SEC24B: variants seen among roughly 807,000 people sequenced by gnomAD.
SEC24B encodes the protein SEC24 homolog B, COPII component.
SEC24B carries 45 observed loss-of-function variants against 142.8 expected under a neutral mutation model. The ratio of observed to expected loss-of-function variants is 0.32; its 90% CI spans 0.25 to 0.40. SEC24B has a LOEUF of 0.40. Ranked by LOEUF, SEC24B falls within the 10% of genes least tolerant of loss-of-function variation. SEC24B has a pLI of 1.00. For synonymous variants in SEC24B, 574 were observed against 568.2 expected (o/e 1.01, Z -0.15); for missense variants, 1,409 against 1,526.8 (o/e 0.92, Z 1.29).
At chr4:109,457,648 C>T (rs1029945689) in intron 1 of SEC24B, among the ~76,000 whole-genome samples, 1 of 152,010 alleles carries the variant, frequency 6.6e-6, no homozygotes, top group African/African-American at 2.4e-5. Context: ...ACATTTAAAC[C>T]ATAGCAGTCA....
At chr4:109,456,334 G>GT (rs70949081) in intron 1 of SEC24B, among the ~76,000 whole-genome samples, 19,003 of 94,320 alleles carry the variant, frequency 0.2, 1,837 homozygotes, top group East Asian at 0.31. Context: ...GGTTTTTTTT[G>GT]TTTTTTTTTT....
chr4:109,539,788 C>T lies in SEC24B; in HGVS notation c.*113C>T, dbSNP rs1725997106. ...GCATTTGTTAATACAAGATGCAACG[C>T]ACAGCACTCTGTCTGAGGCTTTGGT... is the stretch of plus-strand genomic sequence containing the variant. On this transcript the variant is annotated 3_prime_UTR_variant, in exon 24 of 24. Transcript: ENST00000265175. 8.9e-6 allele frequency: 6 copies of T among 671,590 alleles called. No individual in the cohort carries two copies. In the South Asian group the frequency reaches 9.2e-5, roughly 10 times the overall value. The allele number at this position is 671,590 out of a possible 1,614,324, so 41.6% of individuals were successfully genotyped here.
intron 1 of SEC24B, among the ~76,000 whole-genome samples, chr4:109,444,228 A>G (rs1194019592): frequency 6.6e-6 from 1 of 151,926 alleles, no homozygotes; most frequent in East Asian, 1.9e-4. Flanking sequence ...AAAAAAAAAA[A>G]AAAAGAATAG....
chr4:109,520,586 A>C, intron 12 of SEC24B, 102 bp downstream of exon 12: 2 of 758,178 alleles, frequency 2.6e-6, no homozygotes, highest in Non-Finnish European at 2.3e-6. Flanking sequence ...GGATAATGTC[A>C]TGCACTTTAG....
At position 109,529,830 on chromosome 4, in the gene SEC24B, C is replaced by T. The variant is rs149096392; in HGVS notation, c.3077-459C>T. Among the ~76,000 whole-genome samples the T allele has an allele frequency of 2.0e-3, 304 of 152,292 alleles. 3 individuals are homozygous for T. The highest frequency in any genetic ancestry group is 6.7e-3 in the African/African-American group (278 of 41,550). ...GTTACTGCAGCTTCGACCTCCCAGG[C>T]TCAAGCAGTCCTCCTACTTCAGCCT... is the stretch of plus-strand genomic sequence containing the variant. On this transcript the variant is annotated intron_variant, in intron 18 of 23. Coordinates refer to ENST00000265175, the MANE Select transcript of SEC24B (RefSeq NM_006323.5).
chr4:109,512,225 C>T (rs1274971984), intron 9 of SEC24B, 142 bp downstream of exon 9: 1 of 726,316 alleles, frequency 1.4e-6, no homozygotes, highest in Non-Finnish European at 2.2e-6. Flanking sequence ...TAGGCTAAGG[C>T]TAGGACTAGG....
intron 3 of SEC24B, among the ~76,000 whole-genome samples, chr4:109,475,457 C>G (rs373293200): frequency 3.3e-5 from 5 of 152,106 alleles, no homozygotes; most frequent in Admixed American, 3.3e-4. Flanking sequence ...TCAAAGACAC[C>G]GTTGCTTAGT....
intron 22 of SEC24B, among the ~76,000 whole-genome samples, chr4:109,535,644 C>T (rs1036624499): frequency 1.5e-4 from 23 of 151,802 alleles, no homozygotes; most frequent in Admixed American, 4.6e-4. Context: ...GTCAGGAGAT[C>T]GAGACCATCC....
intron 18 of SEC24B, 124 bp from the exon 19 acceptor site, chr4:109,530,165 G>A (rs1247025068): frequency 2.9e-6 from 2 of 694,458 alleles, no homozygotes; most frequent in Non-Finnish European, 4.6e-6. Flanking sequence ...CTGATGAAAT[G>A]CATTTTTCCA....
Position 109,511,980 on chromosome 4 carries a change from T to C in SEC24B, c.1800T>C (p.Asn600=). ...AGCAATTACCAGTGATAACATCAAA[T>C]ACCATTGTGAGGTGCCGATCCTGTC... The part of the protein sequence containing the change: ...DLTQLPVITS[N]TIVRCRSCRT... Residue 600 remains asparagine (N), a synonymous_variant, in exon 9 of 24, where the codon AAT becomes AAC. Transcript: ENST00000265175. The C allele has an allele frequency of 6.2e-7, 1 of 1,613,620 alleles. No homozygotes were observed. Among genetic ancestry groups the C allele is most frequent in the Middle Eastern group, 1.7e-4 (1 of 6,058 alleles).
At chr4:109,462,505 T>A (rs1578803945) in intron 1 of SEC24B, among the ~76,000 whole-genome samples, 1 of 152,164 alleles carries the variant, frequency 6.6e-6, no homozygotes, top group African/African-American at 2.4e-5. Context: ...GGCCAGAGAG[T>A]TAAGTTCCTC....
At chr4:109,439,305 T>C (rs1578742980) in intron 1 of SEC24B, among the ~76,000 whole-genome samples, 1 of 152,056 alleles carries the variant, frequency 6.6e-6, no homozygotes, top group East Asian at 1.9e-4. Context: ...TAAAATGATA[T>C]AAATCTCCCT....
intron 6 of SEC24B, 103 bp from the exon 7 acceptor site, chr4:109,506,225 T>G (rs1282901470): frequency 1.4e-5 from 11 of 793,354 alleles, no homozygotes; most frequent in African/African-American, 3.6e-5. Flanking sequence ...ATTTAAATTT[T>G]CTTACCTTTT....
intron 1 of SEC24B, among the ~76,000 whole-genome samples, chr4:109,454,779 G>T (rs939644998): frequency 6.6e-6 from 1 of 152,104 alleles, no homozygotes; most frequent in Non-Finnish European, 1.5e-5. Flanking sequence ...CTTTCCCTCT[G>T]TCCTATGTGT....
At chr4:109,476,452 T>G (rs1433289250) in intron 3 of SEC24B, among the ~76,000 whole-genome samples, 1 of 152,216 alleles carries the variant, frequency 6.6e-6, no homozygotes, top group Non-Finnish European at 1.5e-5. Flanking sequence ...TGAATATGAT[T>G]CATTGTTAGA....
intron 7 of SEC24B, among the ~76,000 whole-genome samples, chr4:109,507,242 A>G (rs918983592): frequency 2.6e-5 from 4 of 151,024 alleles, no homozygotes; most frequent in East Asian, 1.9e-4. Flanking sequence ...TCCTCCTCAT[A>G]AAGTAAACAC....
At chr4:109,434,484 T>C (rs1016833435) in intron 1 of SEC24B, among the ~76,000 whole-genome samples, 4 of 152,200 alleles carry the variant, frequency 2.6e-5, no homozygotes, top group African/African-American at 7.2e-5. Flanking sequence ...GATTGTGCCC[T>C]TCCTGTCTCA....
rs531092644 is a variant in SEC24B, at chr4:109,489,289, GTTC to G, written c.1166-2033_1166-2031del. On this transcript the variant is annotated intron_variant, in intron 4 of 23. Coordinates refer to ENST00000265175, the MANE Select transcript of SEC24B (RefSeq NM_006323.5). Reference sequence around the variant, plus strand: ...TGGTGTAGGGAAGGGGTCCAGCTTTGTTCTTCTGCGTGTGGATATGTCTAGTTG... The same window carrying G: ...TGGTGTAGGGAAGGGGTCCAGCTTTGTTCTGCGTGTGGATATGTCTAGTTG... Among the ~76,000 whole-genome samples the G allele has an allele frequency of 2.0e-3, 303 of 151,836 alleles. 3 individuals carry two copies. Among genetic ancestry groups the G allele is most frequent in the African/African-American group, 6.7e-3 (278 of 41,432 alleles).
intron 19 of SEC24B, 75 bp from the exon 20 acceptor site, chr4:109,531,310 A>G: frequency 1.6e-6 from 2 of 1,219,164 alleles, no homozygotes; most frequent in African/African-American, 1.5e-5. Context: ...TCCATGATTG[A>G]CAGTGTATAT....
Sources: allele counts gnomAD v4.1 joint callset (sites outside exome capture counted in the v4.1 genomes callset), GRCh38; gene constraint gnomAD v4.1.1; transcripts MANE v1.5; gene names NCBI Gene and HGNC (gene_info 2026-07-23, HGNC 2026-07-21).